Variants in DYNC2H1 observed in about 807,000 individuals in gnomAD.
DYNC2H1 encodes cytoplasmic dynein 2 heavy chain 1.
In DYNC2H1, 410 loss-of-function variants were observed where a neutral mutation model predicts 570.0. That is an observed-to-expected ratio of 0.72 (90% CI 0.66 to 0.78). The LOEUF is 0.78. DYNC2H1 is among the 30% of genes least tolerant of loss of function. DYNC2H1 has a pLI of 0.00. For synonymous variants in DYNC2H1, 1,688 were observed against 1,677.6 expected, an observed-to-expected ratio of 1.01 and a Z score of -0.15; for missense variants, 4,865 against 5,046.4, an observed-to-expected ratio of 0.96 and a Z score of 1.09.
chr11:103,120,628 G>T (rs1215617389), intron 7 of DYNC2H1, 47 bp downstream of exon 7: 2 of 1,592,982 alleles, frequency 1.3e-6, no homozygotes, highest in Non-Finnish European at 8.6e-7. Flanking sequence ...TGTTTATGTT[G>T]TTCTTTTTAA....
At chr11:103,171,862 CAT>C (rs1394015122) in intron 34 of DYNC2H1, among the ~76,000 whole-genome samples, 2 of 152,082 alleles carry the variant, frequency 1.3e-5, no homozygotes, top group Non-Finnish European at 2.9e-5. Context: ...GAATGAAGCA[CAT>C]GTTTTTGATC....
chr11:103,338,655 TTC>T (rs1328725132), intron 82 of DYNC2H1, among the ~76,000 whole-genome samples: 18 of 152,220 alleles, frequency 1.2e-4, no homozygotes, highest in Non-Finnish European at 2.2e-4. Flanking sequence ...TAGCCAGGAA[TTC>T]TGTTTCATTT....
chr11:103,115,961 G>A (rs1591260583), intron 4 of DYNC2H1, among the ~76,000 whole-genome samples: 1 of 152,172 alleles, frequency 6.6e-6, no homozygotes, highest in East Asian at 1.9e-4. Flanking sequence ...TTAGTTTTAT[G>A]CTTATTTAAC....
intron 40 of DYNC2H1, among the ~76,000 whole-genome samples, chr11:103,183,477 C>CTGTT (rs906918416): frequency 3.3e-5 from 5 of 151,926 alleles, no homozygotes; most frequent in South Asian, 2.1e-4. Context: ...GGTCACACCG[C>CTGTT]TGTTTGTTTG....
At chr11:103,353,468 T>C (rs1940151497) in intron 82 of DYNC2H1, among the ~76,000 whole-genome samples, 1 of 152,228 alleles carries the variant, frequency 6.6e-6, no homozygotes, top group South Asian at 2.1e-4. Context: ...TTTCTATTTC[T>C]CTGTATCTTC....
chr11:103,147,728 A>G (rs765569094), intron 18 of DYNC2H1, 44 bp from the exon 19 acceptor site: 13 of 1,196,816 alleles, frequency 1.1e-5, no homozygotes, highest in Admixed American at 2.0e-5. Flanking sequence ...TTTTCCTCTA[A>G]TTAGTCTTTT....
intron 83 of DYNC2H1, among the ~76,000 whole-genome samples, chr11:103,390,632 G>C (rs1942102924): frequency 6.6e-6 from 1 of 152,192 alleles, no homozygotes; most frequent in South Asian, 2.1e-4. Flanking sequence ...GCAGTGGCTG[G>C]TACCAGTTGT....
At chr11:103,195,428 C>T (rs541383510) in intron 47 of DYNC2H1, among the ~76,000 whole-genome samples, 9 of 152,174 alleles carry the variant, frequency 5.9e-5, no homozygotes, top group Non-Finnish European at 1.2e-4. Flanking sequence ...GGCTATCTTT[C>T]TGCCTGAATT....
At position 103,181,776 on chromosome 11, in the gene DYNC2H1, A is replaced by G; in HGVS notation, c.6367A>G (p.Asn2123Asp). ...TTTCAGTGATGAAGAGACAGATCTT[A>G]ATTCTCTGATAAAATCTTGGTTGAG... The part of the protein sequence containing the change: ...IFLSDEETDL[N>D]SLIKSWLRNQ... The change falls in exon 40 of 89, where the codon AAT becomes GAT. Residue 2123 changes from asparagine (N) to aspartate (D), a missense_variant. Transcript: ENST00000375735. This position sits in a 1 kb window ranked among gnomAD's most constrained non-coding sequence, Gnocchi z 5.0. The G allele has an allele frequency of 6.4e-7, 1 of 1,566,010 alleles. No homozygotes were observed. Among genetic ancestry groups the G allele is most frequent in the Non-Finnish European group, 8.7e-7 (1 of 1,153,454 alleles).
At chr11:103,435,520 C>G (rs1269004032) in intron 84 of DYNC2H1, among the ~76,000 whole-genome samples, 1 of 151,826 alleles carries the variant, frequency 6.6e-6, no homozygotes, top group African/African-American at 2.4e-5. Flanking sequence ...CTGTTTGTTT[C>G]ATATGTCTCC....
intron 66 of DYNC2H1, among the ~76,000 whole-genome samples, chr11:103,255,179 C>G (rs928186323): frequency 2.0e-5 from 3 of 152,160 alleles, no homozygotes; most frequent in Non-Finnish European, 4.4e-5. Flanking sequence ...AAGTAATGCA[C>G]TTTCTTACAG....
intron 85 of DYNC2H1, among the ~76,000 whole-genome samples, chr11:103,445,948 G>A (rs888465162): frequency 1.1e-4 from 17 of 152,102 alleles, no homozygotes; most frequent in South Asian, 4.1e-4. Context: ...CACCGTGCGC[G>A]GCCCTTGATT....
chr11:103,142,946 G>T (rs554221361), intron 17 of DYNC2H1, among the ~76,000 whole-genome samples: 2 of 152,138 alleles, frequency 1.3e-5, no homozygotes, highest in Admixed American at 1.3e-4. Flanking sequence ...GACCCTTTCA[G>T]ATTTGTAGCC....
In DYNC2H1 at chr11:103,435,606, G is replaced by T. The variant is rs575991498; in HGVS notation, c.12367-337G>T. ...AAAAATTCTGTAGGGACCAAAGCTG[G>T]TTGTTTTTTAATCTTTACCACTTAT... On this transcript the variant is annotated intron_variant, in intron 84 of 88. Transcript: ENST00000375735. 4.7e-4 allele frequency among the ~76,000 whole-genome samples: 71 copies of T among 152,100 alleles called. No individual in the cohort carries two copies. The Middle Eastern group carries it at 0.02, about 44-fold the overall frequency.
Position 103,181,993 on chromosome 11 carries a change from A to G in DYNC2H1, c.6477+107A>G. 1.6e-6 allele frequency: 2 copies of G among 1,237,710 alleles called. No individual in the cohort carries two copies. Among genetic ancestry groups the G allele is most frequent in the Non-Finnish European group, 2.2e-6 (2 of 901,622 alleles). The allele number at this position is 1,237,710 out of a possible 1,614,324, so 76.7% of individuals were successfully genotyped here. A position where few individuals can be genotyped will look rare whatever the true frequency, so the allele number is the denominator to read the frequency against. ...AGAACTCTGCTGGAATGTGGGTGTG[A>G]GGTGAGAGGTGGATTTTGTCACTGC... On this transcript the variant is annotated intron_variant, in intron 40 of 88. Coordinates refer to ENST00000375735, the MANE Select transcript of DYNC2H1 (RefSeq NM_001377.3). This position sits in a 1 kb window ranked among gnomAD's most constrained non-coding sequence, Gnocchi z 5.0.
chr11:103,227,733 T>C (rs1278120919), intron 59 of DYNC2H1, among the ~76,000 whole-genome samples: 2 of 152,224 alleles, frequency 1.3e-5, no homozygotes, highest in African/African-American at 4.8e-5. Context: ...CCATTATTTC[T>C]TTGTTGACTT....
Position 103,448,243 on chromosome 11 carries a change from G to C in DYNC2H1, c.12457-6943G>C, listed in dbSNP as rs191696123. Among the ~76,000 whole-genome samples, 129 of 152,204 alleles carry C rather than the reference G, an allele frequency of 8.5e-4. 1 individual carries two copies. Among genetic ancestry groups the C allele is most frequent in the Admixed American group, 2.3e-3 (35 of 15,282 alleles). On this transcript the variant is annotated intron_variant, in intron 85 of 88. Coordinates refer to ENST00000375735, the MANE Select transcript of DYNC2H1 (RefSeq NM_001377.3). ...TACATTATCTACAGTGCTTTTTACT[G>C]GAATGAATGTGGGTGATCATGTGTG...
In DYNC2H1 at chr11:103,188,640, T is replaced by A. The variant is rs770936919; in HGVS notation, c.7284T>A (p.Cys2428Ter). 3 of 1,599,794 alleles carry A rather than the reference T, an allele frequency of 1.9e-6. No individual in the cohort carries two copies. The highest frequency in any genetic ancestry group is 1.7e-6 in the Non-Finnish European group (2 of 1,171,976). Residue 2428 changes from cysteine to a stop codon, truncating the protein, a stop_gained, in exon 44 of 89, where the codon TGT (cysteine) becomes TGA (stop). Coordinates refer to ENST00000375735, the MANE Select transcript of DYNC2H1 (RefSeq NM_001377.3). LOFTEE classifies it high-confidence loss of function. ...TTRFTSIVRL[C>*]SIDYPEREQL... is the part of the protein sequence containing the mutation. ...GATTTACTTCCATCGTTCGTCTTTG[T>A]TCTATAGAGTATGTATCTTTGTGTT...
In DYNC2H1 at chr11:103,185,490, A is replaced by C. The variant is rs1280247200; in HGVS notation, c.6633+439A>C. Among the ~76,000 whole-genome samples, 1 of 151,924 alleles carries C rather than the reference A, an allele frequency of 6.6e-6. No homozygotes were observed. Among genetic ancestry groups the C allele is most frequent in the African/African-American group, 2.4e-5 (1 of 41,412 alleles). On this transcript the variant is annotated intron_variant, in intron 41 of 88. Transcript: ENST00000375735. The surrounding 1 kb of genome is among the most constrained non-coding windows in gnomAD (Gnocchi z 4.5). Reference sequence around the variant, plus strand: ...ATATGTTAAAGTTGTATTACAGTCAAGTTGTTTATAAAGCTGAATTCTAAA... The same window carrying C: ...ATATGTTAAAGTTGTATTACAGTCACGTTGTTTATAAAGCTGAATTCTAAA...
Sources: allele counts gnomAD v4.1 joint callset (sites outside exome capture counted in the v4.1 genomes callset), GRCh38; gene constraint gnomAD v4.1.1; non-coding constraint Gnocchi (gnomAD v3.1); transcripts MANE v1.5; gene names NCBI Gene and HGNC (gene_info 2026-07-23, HGNC 2026-07-21).